CDH17: variants seen among roughly 807,000 people sequenced by gnomAD.
CDH17 encodes the protein cadherin-17.
Under a neutral mutation model 86.3 loss-of-function variants are expected in CDH17, and 67 were observed. The ratio of observed to expected loss-of-function variants is 0.78; its 90% CI spans 0.64 to 0.95. CDH17 has a LOEUF of 0.95. Among genes scored for constraint, CDH17 ranks in the 40% least tolerant of loss-of-function variants. The pLI, the probability that CDH17 is intolerant of heterozygous loss-of-function variation, is 0.00. For synonymous variants in CDH17, 367 were observed against 366.4 expected, an observed-to-expected ratio of 1.00 and a Z score of -0.02; for missense variants, 993 against 1,017.6, an observed-to-expected ratio of 0.98 and a Z score of 0.33.
chr8:94,158,482 G>A (rs1812987290), intron 12 of CDH17, among the ~76,000 whole-genome samples: 1 of 152,108 alleles, frequency 6.6e-6, no homozygotes, highest in East Asian at 1.9e-4. Context: ...TGGGATGGAT[G>A]GGCCTCTATC....
At chr8:94,179,060 A>AAC (rs1179016560) in intron 3 of CDH17, among the ~76,000 whole-genome samples, 1 of 151,582 alleles carries the variant, frequency 6.6e-6, no homozygotes, top group African/African-American at 2.4e-5. Context: ...AAAAAAAAAA[A>AAC]AAACTAAGGT....
Position 94,165,918 on chromosome 8 carries a change from A to T in CDH17, c.1125T>A (p.Ser375Arg), listed in dbSNP as rs1813143542. The T allele has an allele frequency of 1.2e-6, 2 of 1,613,718 alleles. No homozygotes were observed. Among genetic ancestry groups the T allele is most frequent in the African/African-American group, 1.3e-5 (1 of 74,884 alleles). ...HDRDEENTAN[S>R]FLNYRIVEQT... ...GCTCCACAATCCTGTAGTTTAGAAAACTGTTGGCAGTATTTTCTTCATCCC... is the reference window on the plus strand; with the variant it reads ...GCTCCACAATCCTGTAGTTTAGAAATCTGTTGGCAGTATTTTCTTCATCCC... The change falls in exon 10 of 18, where the codon AGT becomes AGA. Residue 375 changes from serine (S) to arginine (R), a missense_variant. Transcript: ENST00000027335.
chr8:94,174,174 G>A lies in CDH17; in HGVS notation c.511C>T (p.Leu171Phe). 1 of 1,613,550 alleles carries A rather than the reference G, an allele frequency of 6.2e-7. No homozygotes were observed. Among genetic ancestry groups the A allele is most frequent in the Non-Finnish European group, 8.5e-7 (1 of 1,179,688 alleles). The part of the protein sequence containing the change: ...GQLYYQIVIQ[L>F]PMINNVMYFQ... Reference sequence around the variant, plus strand: ...TACATGACATTGTTGATCATGGGAAGCTGGATGACAATCTGGTAATAAAGC... The same window carrying A: ...TACATGACATTGTTGATCATGGGAAACTGGATGACAATCTGGTAATAAAGC... Residue 171 changes from leucine (L) to phenylalanine (F), a missense_variant, in exon 6 of 18, where the codon CTT becomes TTT. By Grantham distance (22) the Leu-to-Phe change is conservative. Transcript: ENST00000027335.
intron 15 of CDH17, among the ~76,000 whole-genome samples, chr8:94,143,613 AG>A (rs1812679897): frequency 6.6e-6 from 1 of 152,216 alleles, no homozygotes; most frequent in Admixed American, 6.5e-5. Context: ...AAGTTTGTTT[AG>A]TGTAGCCACT....
intron 3 of CDH17, among the ~76,000 whole-genome samples, chr8:94,184,376 G>C (rs1159087691): frequency 6.6e-6 from 1 of 152,140 alleles, no homozygotes; most frequent in African/African-American, 2.4e-5. Flanking sequence ...CCAGATGATG[G>C]AATATCACTC....
In CDH17 at chr8:94,165,877, G is replaced by A. The variant is rs1315298488; in HGVS notation, c.1166C>T (p.Pro389Leu). ...TTGGATTAGGAAGAGTCCATCCATGGGAAGTTTGGGAGTTTGCTCCACAAT... is the reference window on the plus strand; with the variant it reads ...TTGGATTAGGAAGAGTCCATCCATGAGAAGTTTGGGAGTTTGCTCCACAAT... The part of the protein sequence containing the change: ...YRIVEQTPKL[P>L]MDGLFLIQTY... The change falls in exon 10 of 18, where the codon CCC (proline) becomes CTC (leucine). Residue 389 changes from proline (P) to leucine (L), a missense_variant. Coordinates refer to ENST00000027335, the MANE Select transcript of CDH17 (RefSeq NM_004063.4). 18 of 1,613,670 alleles carry A rather than the reference G, an allele frequency of 1.1e-5. No homozygotes were observed. Among genetic ancestry groups the A allele is most frequent in the Non-Finnish European group, 1.5e-5 (18 of 1,179,668 alleles).
intron 3 of CDH17, among the ~76,000 whole-genome samples, chr8:94,185,386 G>A (rs1813560655): frequency 6.6e-6 from 1 of 151,914 alleles, no homozygotes; most frequent in Admixed American, 6.6e-5. Flanking sequence ...TAACTTTGCA[G>A]CATGACTAAC....
intron 7 of CDH17, among the ~76,000 whole-genome samples, chr8:94,173,103 G>A (rs1467713507): frequency 2.0e-5 from 3 of 152,168 alleles, no homozygotes; most frequent in Admixed American, 2.0e-4. Context: ...ATCCCACACT[G>A]CTAACAGGGA....
Position 94,179,966 on chromosome 8 carries a change from G to A in CDH17, c.151-2245C>T, listed in dbSNP as rs568313063. ...AAAGTCAATAGAAACTGTCCCTGAGGAAGCCCAGATGTTGGATTTACTAAA... is the reference window on the plus strand; with the variant it reads ...AAAGTCAATAGAAACTGTCCCTGAGAAAGCCCAGATGTTGGATTTACTAAA... On this transcript the variant is annotated intron_variant, in intron 3 of 17. Transcript: ENST00000027335. 5.9e-5 allele frequency among the ~76,000 whole-genome samples: 9 copies of A among 152,152 alleles called. No homozygotes were observed. The South Asian group carries it at 1.9e-3, about 32-fold the overall frequency.
intron 14 of CDH17, 57 bp downstream of exon 14, chr8:94,148,687 T>G: frequency 7.1e-7 from 1 of 1,414,654 alleles, no homozygotes. Context: ...TTTCAACCCA[T>G]GTATCTTCTG....
Position 94,170,428 on chromosome 8 carries a change from G to T in CDH17, c.1035C>A (p.Thr345=). 6.2e-7 allele frequency: 1 copy of T among 1,613,516 alleles called. No homozygotes were observed. The highest frequency in any genetic ancestry group is 8.5e-7 in the Non-Finnish European group (1 of 1,179,662). The change falls in exon 9 of 18, where the codon ACC becomes ACA. Residue 345 remains threonine (T), a synonymous_variant. Transcript: ENST00000027335. ...DNPPTCPSPV[T]VFEVQENERL... ...GTTCATTCTCCTGGACCTCAAATACGGTTACTGGTGACGGACATGTAGGTG... is the reference window on the plus strand; with the variant it reads ...GTTCATTCTCCTGGACCTCAAATACTGTTACTGGTGACGGACATGTAGGTG...
intron 12 of CDH17, among the ~76,000 whole-genome samples, chr8:94,157,455 G>A (rs1026355607): frequency 2.0e-5 from 3 of 152,162 alleles, no homozygotes; most frequent in Non-Finnish European, 4.4e-5. Context: ...ACAGCCCAGG[G>A]TTGGTTGTTG....
intron 15 of CDH17, among the ~76,000 whole-genome samples, chr8:94,132,960 A>G (rs1398113783): frequency 6.6e-6 from 1 of 152,182 alleles, no homozygotes. Flanking sequence ...CCGGTTTGTC[A>G]AAGATCACAT....
rs749961734 is a variant in CDH17 at position 94,176,597 on chromosome 8, C to T, written c.368G>A (p.Arg123Gln). Residue 123 changes from arginine (R) to glutamine (Q), a missense_variant, in exon 5 of 18, where the codon CGA becomes CAA. Transcript: ENST00000027335. The stretch of plus-strand genomic sequence containing the variant: ...GTACTTTGACTGGAGAAACGTGGGT[C>T]GATTGTCGTTGATGTCCTTCACTTT... Reference protein sequence around the residue: ...TIKVKDINDNRPTFLQSKYEG... With the variant: ...TIKVKDINDNQPTFLQSKYEG... 3.7e-6 allele frequency: 6 copies of T among 1,613,766 alleles called. No homozygotes were observed. Among genetic ancestry groups the T allele is most frequent in the South Asian group, 3.3e-5 (3 of 91,082 alleles).
intron 14 of CDH17, among the ~76,000 whole-genome samples, chr8:94,147,890 C>CT (rs1169268907): frequency 6.6e-6 from 1 of 152,226 alleles, no homozygotes; most frequent in Non-Finnish European, 1.5e-5. Flanking sequence ...ACAGATACCC[C>CT]TTGTTCACCC....
At chr8:94,192,348 A>G (rs867362429) in intron 2 of CDH17, among the ~76,000 whole-genome samples, 2 of 152,222 alleles carry the variant, frequency 1.3e-5, no homozygotes, top group Admixed American at 1.3e-4. Context: ...AGCGTTTTCC[A>G]TCTTGCACAA....
At chr8:94,179,966 G>C (rs568313063) in intron 3 of CDH17, among the ~76,000 whole-genome samples, 2 of 152,034 alleles carry the variant, frequency 1.3e-5, no homozygotes, top group Non-Finnish European at 1.5e-5. Context: ...TGTCCCTGAG[G>C]AAGCCCAGAT....
chr8:94,198,808 G>A (rs1813835512), intron 1 of CDH17, among the ~76,000 whole-genome samples: 1 of 152,092 alleles, frequency 6.6e-6, no homozygotes, highest in South Asian at 2.1e-4. Flanking sequence ...GGATGGAGAT[G>A]TTTCCTCATT....
intron 15 of CDH17, among the ~76,000 whole-genome samples, chr8:94,136,573 G>A (rs534149516): frequency 7.2e-5 from 11 of 152,200 alleles, no homozygotes; most frequent in South Asian, 4.2e-4. Flanking sequence ...GCTTCCTTGC[G>A]TTGGGTTCAA....
Sources: allele counts gnomAD v4.1 joint callset (sites outside exome capture counted in the v4.1 genomes callset), GRCh38; gene constraint gnomAD v4.1.1; transcripts MANE v1.5; gene names NCBI Gene and HGNC (gene_info 2026-07-23, HGNC 2026-07-21).